The following SESTD1 variants were observed in gnomAD, a reference collection of about 807,000 sequenced individuals.
SESTD1 encodes the protein SEC14 domain and spectrin repeat-containing protein 1.
A neutral mutation model predicts 101.7 loss-of-function variants in SESTD1; 43 were observed. The observed-to-expected ratio is 0.42, with a 90% CI of 0.33 to 0.55. The LOEUF (loss-of-function observed/expected upper bound fraction) is 0.55, where lower values mean the gene tolerates loss of function less well. SESTD1 is among the 20% of genes least tolerant of loss of function. The pLI, the probability that SESTD1 is intolerant of heterozygous loss-of-function variation, is 0.07. For synonymous variants in SESTD1, 283 were observed against 286.8 expected, an observed-to-expected ratio of 0.99 and a Z score of 0.13; for missense variants, 647 against 815.1, an observed-to-expected ratio of 0.79 and a Z score of 2.51.
chr2:179,243,583 A>G (rs1387920183), intron 1 of SESTD1, among the ~76,000 whole-genome samples: 3 of 152,186 alleles, frequency 2.0e-5, no homozygotes, highest in African/African-American at 7.2e-5. Flanking sequence ...AGCCATAAAA[A>G]AGAAGGAAAT....
At chr2:179,201,638 T>C (rs1197272182) in intron 1 of SESTD1, among the ~76,000 whole-genome samples, 14 of 121,620 alleles carry the variant, frequency 1.2e-4, no homozygotes, top group East Asian at 6.2e-4. Flanking sequence ...ATGGATGAAA[T>C]TGGAAATCAT....
rs901706522 is a variant in SESTD1, at chr2:179,172,956, T to C, written c.256-723A>G. On this transcript the variant is annotated intron_variant, in intron 4 of 17. Coordinates refer to ENST00000428443, the MANE Select transcript of SESTD1 (RefSeq NM_178123.5). ...TATCATCATTACAAGGCTCCTTGCT[T>C]GACTTTCTCTTGCACTCTGAATGAA... 5.6e-4 allele frequency among the ~76,000 whole-genome samples: 85 copies of C among 152,204 alleles called. 1 individual carries two copies. Among genetic ancestry groups the C allele is most frequent in the African/African-American group, 2.0e-3 (81 of 41,452 alleles).
intron 1 of SESTD1, among the ~76,000 whole-genome samples, chr2:179,229,774 T>TATATATATATATATATATATATAA (rs1324308376): frequency 8.7e-6 from 1 of 115,042 alleles, no homozygotes; most frequent in Admixed American, 8.4e-5. Flanking sequence ...TATATATATA[T>TATATATATATATATATATATATAA]ACTCAAATAC....
At chr2:179,243,360 AT>A (rs1427097826) in intron 1 of SESTD1, among the ~76,000 whole-genome samples, 2 of 152,254 alleles carry the variant, frequency 1.3e-5, no homozygotes, top group African/African-American at 4.8e-5. Flanking sequence ...GATTTCTCAA[AT>A]AACTTAAAAC....
rs2044465301 is a variant in SESTD1, at chr2:179,109,743, G to A, written c.*156C>T. On this transcript the variant is annotated 3_prime_UTR_variant, in exon 18 of 18. Transcript: ENST00000428443. The stretch of plus-strand genomic sequence containing the variant: ...CATGTTAAGTAATTATGCCTTGGTA[G>A]TAGCAAGGTGTTAACATGTAAAGAG... 1 of 841,532 alleles carries A rather than the reference G, an allele frequency of 1.2e-6. No homozygotes were observed. Among genetic ancestry groups the A allele is most frequent in the Non-Finnish European group, 1.8e-6 (1 of 558,872 alleles). 52.1% of individuals were successfully genotyped at this position (841,532 alleles called of 1,614,324 possible). A position where few individuals can be genotyped will look rare whatever the true frequency, so the allele number is the denominator to read the frequency against.
intron 4 of SESTD1, chr2:179,174,583 A>G (rs983121577): frequency 1.0e-5 from 4 of 382,614 alleles, no homozygotes; most frequent in Non-Finnish European, 5.2e-6. Context: ...CTTGAAATAT[A>G]AAAGTGCTGG....
chr2:179,133,016 C>T (rs1365974608), intron 9 of SESTD1, among the ~76,000 whole-genome samples: 1 of 152,102 alleles, frequency 6.6e-6, no homozygotes, highest in Non-Finnish European at 1.5e-5. Context: ...TAGAATTATG[C>T]TAATGTAATA....
At chr2:179,110,625 A>G (rs1162892268) in intron 17 of SESTD1, among the ~76,000 whole-genome samples, 1 of 152,014 alleles carries the variant, frequency 6.6e-6, no homozygotes, top group Non-Finnish European at 1.5e-5. Flanking sequence ...AAGGTCACCC[A>G]GGGAAAAACC....
At chr2:179,229,780 A>ATATAT (rs2046953299) in intron 1 of SESTD1, among the ~76,000 whole-genome samples, 9 of 77,342 alleles carry the variant, frequency 1.2e-4, no homozygotes, top group South Asian at 5.8e-4. Flanking sequence ...TATATACTCA[A>ATATAT]ATACACACAC....
At position 179,109,972 on chromosome 2, in the gene SESTD1, C is replaced by G. The variant is rs1423873184; in HGVS notation, c.2018G>C (p.Arg673Thr). The G allele has an allele frequency of 6.2e-7, 1 of 1,613,848 alleles. No homozygotes were observed. The highest frequency in any genetic ancestry group is 8.5e-7 in the Non-Finnish European group (1 of 1,179,896). ...SDMASTAENI[R>T]DRMKLVNLKR... The stretch of plus-strand genomic sequence containing the variant: ...GAGATTAACTAGTTTCATCCTGTCT[C>G]TGATGTTTTCTGCAGTAGAAGCCAT... Residue 673 changes from arginine (R) to threonine (T), a missense_variant, in exon 18 of 18, where the codon AGA becomes ACA. Transcript: ENST00000428443.
At chr2:179,155,991 T>C (rs533025161) in intron 5 of SESTD1, among the ~76,000 whole-genome samples, 41 of 152,312 alleles carry the variant, frequency 2.7e-4, no homozygotes, top group Non-Finnish European at 4.6e-4. Context: ...CACACGATGT[T>C]TGGTTTTCCA....
At chr2:179,151,854 C>T (rs11892241) in intron 5 of SESTD1, among the ~76,000 whole-genome samples, 23,933 of 151,916 alleles carry the variant, frequency 0.16, 3,051 homozygotes, top group African/African-American at 0.36. Flanking sequence ...ACAAGTCCTC[C>T]GGTTGTAGAG....
chr2:179,226,132 A>G (rs2046882216), intron 1 of SESTD1, among the ~76,000 whole-genome samples: 1 of 152,208 alleles, frequency 6.6e-6, no homozygotes, highest in Non-Finnish European at 1.5e-5. Flanking sequence ...TATAATTCTT[A>G]AAACAGTTTT....
chr2:179,125,019 CCT>C (rs1345334686), intron 10 of SESTD1, among the ~76,000 whole-genome samples: 2 of 152,150 alleles, frequency 1.3e-5, no homozygotes, highest in African/African-American at 4.8e-5. Flanking sequence ...ACACTGCCTT[CCT>C]CTCAGCATCA....
intron 9 of SESTD1, among the ~76,000 whole-genome samples, chr2:179,136,060 C>T (rs527443984): frequency 3.3e-5 from 5 of 152,120 alleles, no homozygotes; most frequent in Non-Finnish European, 1.5e-5. Context: ...ACGAAAGAGA[C>T]AGGTAAGCAG....
chr2:179,228,334 A>G (rs182256219), intron 1 of SESTD1, among the ~76,000 whole-genome samples: 1 of 152,260 alleles, frequency 6.6e-6, no homozygotes, highest in East Asian at 1.9e-4. Flanking sequence ...CACATTTCAC[A>G]TTTTGGGGAG....
intron 9 of SESTD1, among the ~76,000 whole-genome samples, chr2:179,133,422 C>G (rs1383877433): frequency 6.6e-6 from 1 of 152,050 alleles, no homozygotes; most frequent in South Asian, 2.1e-4. Flanking sequence ...GGGAACAGAG[C>G]TAAAGGGTTA....
In SESTD1 at chr2:179,103,071, G is replaced by A. The variant is rs1315105883; in HGVS notation, c.*6828C>T. ...ACTTTACCTACTGAAAACGGGTGGT[G>A]AAAGTTAGTAACATAAACAAACCAG... On this transcript the variant is annotated 3_prime_UTR_variant, in exon 18 of 18. Transcript: ENST00000428443. The A allele has an allele frequency of 6.6e-6, 1 of 152,096 alleles. No individual in the cohort carries two copies. The highest frequency in any genetic ancestry group is 1.5e-5 in the Non-Finnish European group (1 of 68,002). The allele number at this position is 152,096 out of a possible 1,614,324, so 9.4% of individuals were successfully genotyped here. A position where few individuals can be genotyped will look rare whatever the true frequency, so the allele number is the denominator to read the frequency against.
rs190121336 is a variant in SESTD1 at position 179,197,143 on chromosome 2, C to T, written c.-25-5277G>A. Among the ~76,000 whole-genome samples the T allele has an allele frequency of 4.8e-3, 726 of 151,812 alleles. 1 individual carries two copies. Among genetic ancestry groups the T allele is most frequent in the African/African-American group, 0.016 (679 of 41,390 alleles). ...GCTGATGGAGCTGAAAACCAAGGCTCGAGAACTACGTGAAGAAAGAAGAAG... is the reference window on the plus strand; with the variant it reads ...GCTGATGGAGCTGAAAACCAAGGCTTGAGAACTACGTGAAGAAAGAAGAAG... On this transcript the variant is annotated intron_variant, in intron 1 of 17. Coordinates refer to ENST00000428443, the MANE Select transcript of SESTD1 (RefSeq NM_178123.5).
Sources: allele counts gnomAD v4.1 joint callset (sites outside exome capture counted in the v4.1 genomes callset), GRCh38; gene constraint gnomAD v4.1.1; transcripts MANE v1.5; gene names NCBI Gene and HGNC (gene_info 2026-07-23, HGNC 2026-07-21).